GRM5: variants seen among roughly 807,000 people sequenced by gnomAD.
GRM5 encodes glutamate metabotropic receptor 5, also known as metabotropic glutamate receptor 5.
GRM5 carries 19 observed loss-of-function variants against 83.1 expected under a neutral mutation model. That is an observed-to-expected ratio of 0.23 (90% CI 0.16 to 0.34). The LOEUF (loss-of-function observed/expected upper bound fraction) is 0.34, where lower values mean the gene tolerates loss of function less well. Ranked by LOEUF, GRM5 falls within the 10% of genes least tolerant of loss-of-function variation. The pLI, the probability that GRM5 is intolerant of heterozygous loss-of-function variation, is 1.00. For missense variants in GRM5, 1,160 were observed against 1,588.3 expected, an observed-to-expected ratio of 0.73 and a Z score of 4.58; for synonymous variants, 675 against 633.6, an observed-to-expected ratio of 1.07 and a Z score of -0.98.
At chr11:88,911,321 T>C (rs896086507) in intron 2 of GRM5, among the ~76,000 whole-genome samples, 16 of 152,172 alleles carry the variant, frequency 1.1e-4, no homozygotes, top group Non-Finnish European at 1.6e-4. Context: ...GCTTGTGTGG[T>C]GTCTGTATCT....
chr11:88,978,473 T>TAAAAA (rs1565317795), intron 2 of GRM5, among the ~76,000 whole-genome samples: 1 of 56,840 alleles, frequency 1.8e-5, no homozygotes, highest in African/African-American at 6.6e-5. Flanking sequence ...GCAGATGAGC[T>TAAAAA]TAAAAAAAAA....
chr11:88,793,588 T>C (rs1024203299), intron 3 of GRM5, among the ~76,000 whole-genome samples: 10 of 152,166 alleles, frequency 6.6e-5, no homozygotes, highest in African/African-American at 2.2e-4. Flanking sequence ...AAGAATAACA[T>C]TCCTAATGTG....
chr11:88,969,389 T>C (rs1939095420), intron 2 of GRM5, among the ~76,000 whole-genome samples: 1 of 152,054 alleles, frequency 6.6e-6, no homozygotes, highest in African/African-American at 2.4e-5. Flanking sequence ...AATTACCCTC[T>C]AAATTAAGAT....
At chr11:88,789,490 T>C (rs1943132089) in intron 3 of GRM5, among the ~76,000 whole-genome samples, 1 of 152,200 alleles carries the variant, frequency 6.6e-6, no homozygotes. Context: ...TTGTTATAAA[T>C]TGAACATTTT....
chr11:89,001,881 A>G (rs1399624515), intron 2 of GRM5, among the ~76,000 whole-genome samples: 2 of 152,198 alleles, frequency 1.3e-5, no homozygotes, highest in Admixed American at 1.3e-4. Flanking sequence ...CAAGGTACAT[A>G]TATTTTAAAC....
intron 2 of GRM5, among the ~76,000 whole-genome samples, chr11:88,861,544 C>A (rs1206918252): frequency 6.6e-6 from 1 of 152,148 alleles, no homozygotes; most frequent in Non-Finnish European, 1.5e-5. Context: ...CGGCTCACTG[C>A]AGCCTCAACT....
intron 2 of GRM5, among the ~76,000 whole-genome samples, chr11:88,996,966 A>G (rs1174783056): frequency 6.6e-6 from 1 of 152,228 alleles, no homozygotes; most frequent in Non-Finnish European, 1.5e-5. Context: ...ATATAACAAA[A>G]TTTGTGGAAC....
intron 2 of GRM5, among the ~76,000 whole-genome samples, chr11:88,900,592 A>G (rs1435049427): frequency 2.0e-5 from 3 of 152,168 alleles, no homozygotes; most frequent in Non-Finnish European, 4.4e-5. Flanking sequence ...CTATTAAAAC[A>G]TGGTATAATG....
intron 4 of GRM5, among the ~76,000 whole-genome samples, chr11:88,622,764 G>GT (rs1159271333): frequency 6.6e-6 from 1 of 152,108 alleles, no homozygotes; most frequent in African/African-American, 2.4e-5. Flanking sequence ...AGAATCTAGT[G>GT]TGTCCTAAAA....
chr11:89,059,000 ATTGT>A (rs139988375), intron 1 of GRM5, among the ~76,000 whole-genome samples: 5,604 of 152,172 alleles, frequency 0.037, 144 homozygotes, highest in East Asian at 0.071. Flanking sequence ...ATTTAGACAA[ATTGT>A]TTTTCAAAAA....
intron 3 of GRM5, among the ~76,000 whole-genome samples, chr11:88,825,244 G>A (rs953692980): frequency 6.8e-5 from 10 of 147,192 alleles, no homozygotes; most frequent in African/African-American, 2.4e-4. Context: ...TTTTTTTTGA[G>A]TTAAGGTTTG....
At chr11:88,673,764 G>A (rs1365055732) in intron 3 of GRM5, among the ~76,000 whole-genome samples, 1 of 151,710 alleles carries the variant, frequency 6.6e-6, no homozygotes, top group African/African-American at 2.4e-5. Context: ...ATAAAAATCT[G>A]TTTAGGGAGA....
At chr11:88,797,971 A>G (rs1282701560) in intron 3 of GRM5, among the ~76,000 whole-genome samples, 1 of 152,100 alleles carries the variant, frequency 6.6e-6, no homozygotes, top group Non-Finnish European at 1.5e-5. Flanking sequence ...ATGGTAAAAT[A>G]CCATGCTGAT....
In GRM5 at chr11:88,509,336, A is replaced by G; in HGVS notation, c.2895T>C (p.Ala965=). 1 of 1,599,614 alleles carries G rather than the reference A, an allele frequency of 6.3e-7. No individual in the cohort carries two copies. The highest frequency in any genetic ancestry group is 8.5e-7 in the Non-Finnish European group (1 of 1,174,310). The stretch of plus-strand genomic sequence containing the variant: ...CGCCCCCAGCGCTCCCGCCTGCGCC[A>G]GCGCCAGCGCCCAGGCCACGGCTCT... The part of the protein sequence containing the change: ...STESRGLGAG[A]GAGGSAGGVG... Residue 965 remains alanine (A), a synonymous_variant, in exon 10 of 10, where the codon GCT becomes GCC. Coordinates refer to ENST00000305447, the MANE Select transcript of GRM5 (RefSeq NM_001143831.3).
chr11:88,892,860 T>A (rs1382397629), intron 2 of GRM5, among the ~76,000 whole-genome samples: 1 of 151,988 alleles, frequency 6.6e-6, no homozygotes, highest in Non-Finnish European at 1.5e-5. Flanking sequence ...TGCCAGGTAA[T>A]GAAAGTGAGT....
chr11:88,808,491 A>G (rs1460782108), intron 3 of GRM5, among the ~76,000 whole-genome samples: 2 of 152,156 alleles, frequency 1.3e-5, no homozygotes, highest in East Asian at 1.9e-4. Flanking sequence ...ATAAGCAGAG[A>G]ATGGCATGGA....
chr11:88,529,398 A>G (rs1941955867), intron 8 of GRM5, among the ~76,000 whole-genome samples: 1 of 151,544 alleles, frequency 6.6e-6, no homozygotes, highest in Non-Finnish European at 1.5e-5. Context: ...GACAAATCTG[A>G]AAAATTGAGC....
intron 2 of GRM5, among the ~76,000 whole-genome samples, chr11:89,017,611 C>G (rs1355675605): frequency 6.6e-6 from 1 of 152,210 alleles, no homozygotes; most frequent in Non-Finnish European, 1.5e-5. Context: ...GAAGCAGAAG[C>G]TGAATGGCCA....
At chr11:88,979,605 C>A (rs976114695) in intron 2 of GRM5, among the ~76,000 whole-genome samples, 5 of 152,074 alleles carry the variant, frequency 3.3e-5, no homozygotes, top group African/African-American at 1.2e-4. Flanking sequence ...CAGGGCCCAT[C>A]TTACTATTTG....
Sources: allele counts gnomAD v4.1 joint callset (sites outside exome capture counted in the v4.1 genomes callset), GRCh38; gene constraint gnomAD v4.1.1; transcripts MANE v1.5; gene names NCBI Gene and HGNC (gene_info 2026-07-23, HGNC 2026-07-21).